The following DLGAP2 variants were observed in gnomAD, a reference collection of about 807,000 sequenced individuals.
DLGAP2 encodes the protein DLG associated protein 2.
A neutral mutation model predicts 100.3 loss-of-function variants in DLGAP2; 26 were observed. The ratio of observed to expected loss-of-function variants is 0.26; its 90% CI spans 0.19 to 0.36. The LOEUF (loss-of-function observed/expected upper bound fraction) is 0.36. DLGAP2 is among the 10% of genes least tolerant of loss of function. The pLI is 1.00. For synonymous variants in DLGAP2, 886 were observed against 630.1 expected (o/e 1.41, Z -6.08); for missense variants, 1,858 against 1,453.2 (o/e 1.28, Z -4.53).
chr8:1,362,158 C>T (rs577661235), intron 3 of DLGAP2, among the ~76,000 whole-genome samples: 4 of 152,164 alleles, frequency 2.6e-5, no homozygotes, highest in Admixed American at 6.5e-5. Context: ...GCATCCGCAG[C>T]GCCGTCTCGG....
intron 8 of DLGAP2, among the ~76,000 whole-genome samples, chr8:1,654,681 A>G (rs1798244450): frequency 1.3e-5 from 2 of 151,268 alleles, no homozygotes; most frequent in East Asian, 1.9e-4. Context: ...AAAAAAAAAG[A>G]ATTGGAACAT....
chr8:1,358,746 C>T (rs1801911048), intron 3 of DLGAP2, among the ~76,000 whole-genome samples: 1 of 152,106 alleles, frequency 6.6e-6, no homozygotes, highest in South Asian at 2.1e-4. Flanking sequence ...CAGGGGCAAC[C>T]CTGGCCTATT....
At chr8:1,559,339 G>A (rs1282706498) in intron 5 of DLGAP2, among the ~76,000 whole-genome samples, 1 of 152,158 alleles carries the variant, frequency 6.6e-6, no homozygotes, top group Non-Finnish European at 1.5e-5. Flanking sequence ...CTGGGCTGAG[G>A]GCTGCAGGGT....
chr8:910,319 G>T (rs915969051), intron 2 of DLGAP2: 3 of 152,114 alleles, frequency 2.0e-5, no homozygotes, highest in African/African-American at 7.2e-5. Flanking sequence ...ATTAAACATG[G>T]CTGCTTGTGA....
intron 3 of DLGAP2, among the ~76,000 whole-genome samples, chr8:1,334,697 C>G (rs1472783834): frequency 6.6e-6 from 1 of 152,146 alleles, no homozygotes; most frequent in Admixed American, 6.5e-5. Flanking sequence ...AGGGTAAACA[C>G]CTCCACAGCA....
At chr8:1,314,309 G>A (rs574183558) in intron 3 of DLGAP2, among the ~76,000 whole-genome samples, 15 of 152,284 alleles carry the variant, frequency 9.9e-5, no homozygotes, top group African/African-American at 3.6e-4. Flanking sequence ...CTTTGCACCT[G>A]GAATTCCAAC....
At chr8:1,537,338 G>A (rs1291019772) in intron 4 of DLGAP2, among the ~76,000 whole-genome samples, 2 of 152,096 alleles carry the variant, frequency 1.3e-5, no homozygotes, top group East Asian at 3.9e-4. Flanking sequence ...GTGTGTGTTG[G>A]GGTGGAGGTG....
intron 2 of DLGAP2, among the ~76,000 whole-genome samples, chr8:1,225,039 C>G (rs1323252291): frequency 6.6e-6 from 1 of 152,188 alleles, no homozygotes; most frequent in African/African-American, 2.4e-5. Context: ...TTTAAGTTTT[C>G]ACTATCCACA....
At chr8:942,045 G>A (rs780029469) in intron 2 of DLGAP2, among the ~76,000 whole-genome samples, 11 of 152,038 alleles carry the variant, frequency 7.2e-5, no homozygotes, top group Non-Finnish European at 1.2e-4. Flanking sequence ...GGCTGGTCTC[G>A]AATTCTAGGC....
At chr8:764,389 A>G (rs188406395) in intron 1 of DLGAP2, among the ~76,000 whole-genome samples, 30 of 152,338 alleles carry the variant, frequency 2.0e-4, no homozygotes, top group Non-Finnish European at 3.4e-4. Context: ...CATCCGAGAG[A>G]AGAAATGAGA....
At chr8:1,179,442 G>C (rs1237578988) in intron 2 of DLGAP2, among the ~76,000 whole-genome samples, 1 of 152,234 alleles carries the variant, frequency 6.6e-6, no homozygotes, top group Non-Finnish European at 1.5e-5. Flanking sequence ...TCAGCTCCCT[G>C]CTGTCCACAC....
intron 2 of DLGAP2, among the ~76,000 whole-genome samples, chr8:917,699 G>C (rs1798625462): frequency 6.6e-6 from 1 of 152,148 alleles, no homozygotes; most frequent in Non-Finnish European, 1.5e-5. Context: ...TCCTGCCTCA[G>C]CCTCCTGAGT....
chr8:890,097 A>T (rs945750976), intron 1 of DLGAP2, among the ~76,000 whole-genome samples: 2 of 152,002 alleles, frequency 1.3e-5, no homozygotes, highest in African/African-American at 4.8e-5. Context: ...AAGTTTGATG[A>T]GAGAACCTGG....
rs578111924 is a variant in DLGAP2, at chr8:877,484, C to T, written c.19-30428C>T. Among the ~76,000 whole-genome samples, 20 of 152,360 alleles carry T rather than the reference C, an allele frequency of 1.3e-4. No individual in the cohort carries two copies. The South Asian group carries it at 4.1e-3, about 32-fold the overall frequency. ...GGGCAGGCTTTCTTCCTCTCTGTCC[C>T]TGACCCAGGCAGCTATTAAACGCCA... On this transcript the variant is annotated intron_variant, in intron 1 of 14. Coordinates refer to ENST00000637795, the MANE Select transcript of DLGAP2 (RefSeq NM_001346810.2).
chr8:1,603,236 G>A (rs1202841969), intron 6 of DLGAP2, among the ~76,000 whole-genome samples: 2 of 149,146 alleles, frequency 1.3e-5, no homozygotes, highest in African/African-American at 5.0e-5. Context: ...CTGGGTCTCA[G>A]TTCTACAGAG....
intron 2 of DLGAP2, among the ~76,000 whole-genome samples, chr8:1,116,216 G>A (rs1455824158): frequency 6.6e-6 from 1 of 152,160 alleles, no homozygotes; most frequent in Non-Finnish European, 1.5e-5. Context: ...AAGGGAGCAG[G>A]CCCTCCCCGT....
chr8:1,249,377 A>G (rs1019275884), intron 2 of DLGAP2, among the ~76,000 whole-genome samples: 2 of 152,142 alleles, frequency 1.3e-5, no homozygotes, highest in Non-Finnish European at 1.5e-5. Context: ...CTTCCCATCT[A>G]GTTCCTTATG....
chr8:1,467,814 G>A (rs1243202975), intron 3 of DLGAP2, among the ~76,000 whole-genome samples: 2 of 152,194 alleles, frequency 1.3e-5, no homozygotes, highest in African/African-American at 2.4e-5. Flanking sequence ...GGGGTCCTGC[G>A]CCCTGCTGCA....
At chr8:885,684 C>G (rs1797908873) in intron 1 of DLGAP2, among the ~76,000 whole-genome samples, 1 of 152,110 alleles carries the variant, frequency 6.6e-6, no homozygotes, top group Non-Finnish European at 1.5e-5. Flanking sequence ...GAGAGAGGGC[C>G]TCCTCGTCTT....
Sources: gnomAD v4.1 joint callset for allele counts (sites outside exome capture counted in the v4.1 genomes callset) on GRCh38, gnomAD v4.1.1 for gene constraint, MANE v1.5 for transcripts, NCBI Gene and HGNC (gene_info 2026-07-23, HGNC 2026-07-21) for gene names.